The following ZFYVE9 variants were observed in gnomAD, a reference collection of about 807,000 sequenced individuals.
ZFYVE9 encodes zinc finger FYVE domain-containing protein 9.
ZFYVE9 carries 43 observed loss-of-function variants against 126.7 expected under a neutral mutation model. The observed-to-expected ratio is 0.34, with a 90% CI of 0.27 to 0.44. ZFYVE9 has a LOEUF of 0.44. ZFYVE9 is among the 20% of genes least tolerant of loss of function. The pLI, the probability that ZFYVE9 is intolerant of heterozygous loss-of-function variation, is 1.00. For synonymous variants in ZFYVE9, 521 were observed against 597.4 expected, an observed-to-expected ratio of 0.87 and a Z score of 1.87; for missense variants, 1,476 against 1,697.0, an observed-to-expected ratio of 0.87 and a Z score of 2.29.
intron 1 of ZFYVE9, among the ~76,000 whole-genome samples, chr1:52,208,057 A>T (rs1197183269): frequency 1.3e-5 from 2 of 152,242 alleles, no homozygotes; most frequent in East Asian, 3.8e-4. Flanking sequence ...ATGGTGGCCC[A>T]TGCCTGTAAT....
chr1:52,191,727 T>C (rs952270278), intron 1 of ZFYVE9, among the ~76,000 whole-genome samples: 1 of 152,192 alleles, frequency 6.6e-6, no homozygotes, highest in African/African-American at 2.4e-5. Flanking sequence ...CCTGCACTTT[T>C]TCCATTACAC....
At chr1:52,306,436 C>G (rs1646085819) in intron 13 of ZFYVE9, among the ~76,000 whole-genome samples, 1 of 152,220 alleles carries the variant, frequency 6.6e-6, no homozygotes, top group South Asian at 2.1e-4. Context: ...ACCCCAGGCC[C>G]TCCTCTATTA....
chr1:52,256,495 A>C (rs992083143), intron 4 of ZFYVE9, among the ~76,000 whole-genome samples: 2 of 151,998 alleles, frequency 1.3e-5, no homozygotes, highest in African/African-American at 4.8e-5. Context: ...TCCTTGCCTC[A>C]GCCTCTCAAG....
rs1258642952 is a variant in ZFYVE9 at position 52,344,617 on chromosome 1, A to G, written c.3940-151A>G. On this transcript the variant is annotated intron_variant, in intron 17 of 18. Coordinates refer to ENST00000287727, the MANE Select transcript of ZFYVE9 (RefSeq NM_004799.4). ...TTTTTAGGTGGAAGACAAATGCCCA[A>G]CTTTTCCTGGACCAGGGACTTTATG... 1.6e-5 allele frequency: 12 copies of G among 752,834 alleles called. 1 individual carries two copies. In the Admixed American group the frequency reaches 2.5e-4, roughly 15 times the overall value. 46.6% of individuals were successfully genotyped at this position (752,834 alleles called of 1,614,324 possible).
At chr1:52,187,854 G>A (rs1295430901) in intron 1 of ZFYVE9, among the ~76,000 whole-genome samples, 3 of 152,184 alleles carry the variant, frequency 2.0e-5, no homozygotes, top group Non-Finnish European at 4.4e-5. Flanking sequence ...ACTGTTGGTG[G>A]GAGTGTAAAT....
At chr1:52,229,890 C>T (rs1645201642) in intron 2 of ZFYVE9, among the ~76,000 whole-genome samples, 1 of 147,336 alleles carries the variant, frequency 6.8e-6, no homozygotes, top group South Asian at 2.1e-4. Context: ...TTTTTGGAGA[C>T]GGAGTCTCGC....
At chr1:52,337,724 G>A (rs1234286813) in intron 15 of ZFYVE9, 48 bp from the exon 16 acceptor site, 3 of 1,592,560 alleles carry the variant, frequency 1.9e-6, no homozygotes, top group African/African-American at 1.3e-5. Context: ...CTAGATGCCA[G>A]GTGCTGTGTT....
intron 1 of ZFYVE9, among the ~76,000 whole-genome samples, chr1:52,182,126 TG>T (rs1340808777): frequency 1.4e-5 from 2 of 143,524 alleles, no homozygotes; most frequent in Admixed American, 1.4e-4. Context: ...AGGAGAGAGG[TG>T]GGGGGTCAGC....
chr1:52,182,096 G>C (rs1187716486), intron 1 of ZFYVE9, among the ~76,000 whole-genome samples: 2 of 150,488 alleles, frequency 1.3e-5, no homozygotes, highest in African/African-American at 2.4e-5. Context: ...GAGGGAGGTG[G>C]GGGGGTCAGC....
chr1:52,284,013 G>A (rs781520219), intron 10 of ZFYVE9, among the ~76,000 whole-genome samples: 2 of 152,154 alleles, frequency 1.3e-5, no homozygotes, highest in Admixed American at 6.6e-5. Flanking sequence ...GTAGGATTTG[G>A]TAACTAACTG....
chr1:52,336,947 T>A (rs79159146), intron 15 of ZFYVE9, among the ~76,000 whole-genome samples: 6 of 107,854 alleles, frequency 5.6e-5, no homozygotes, highest in Non-Finnish European at 7.1e-5. Flanking sequence ...AGTCATCTCT[T>A]AAAAAAAAAA....
intron 1 of ZFYVE9, among the ~76,000 whole-genome samples, chr1:52,204,922 TTTG>T (rs1644959051): frequency 6.6e-6 from 1 of 152,130 alleles, no homozygotes; most frequent in Non-Finnish European, 1.5e-5. Context: ...CCTCTAGCAA[TTTG>T]TCAATTATAA....
At chr1:52,194,728 G>A (rs558032325) in intron 1 of ZFYVE9, among the ~76,000 whole-genome samples, 97 of 152,178 alleles carry the variant, frequency 6.4e-4, no homozygotes, top group Middle Eastern at 3.4e-3. Flanking sequence ...TTTGCTTTTA[G>A]ATATTTATTG....
chr1:52,325,078 G>A (rs1646278015), intron 13 of ZFYVE9, among the ~76,000 whole-genome samples: 1 of 152,206 alleles, frequency 6.6e-6, no homozygotes, highest in Non-Finnish European at 1.5e-5. Context: ...AGGAGATCAA[G>A]ACCATCCTGG....
intron 15 of ZFYVE9, among the ~76,000 whole-genome samples, chr1:52,336,947 T>TAAAAAAAAAAAAAAAAAAAAAAA (rs71041896): frequency 3.7e-5 from 4 of 107,852 alleles, no homozygotes; most frequent in African/African-American, 1.5e-4. Context: ...AGTCATCTCT[T>TAAAAAAAAAAAAAAAAAAAAAAA]AAAAAAAAAA....
In ZFYVE9 at chr1:52,238,212, G is replaced by A. The variant is rs767011736; in HGVS notation, c.795G>A (p.Thr265=). The change falls in exon 4 of 19, where the codon ACG becomes ACA. Residue 265 remains threonine, a synonymous_variant. Transcript: ENST00000287727. ...CCATGTCTGCGATTACAAGTTTAAC[G>A]GTTGATTCAGTAATCTCATCCCAGG... ...DPSMSAITSL[T]VDSVISSQGT... 29 of 1,613,886 alleles carry A rather than the reference G, an allele frequency of 1.8e-5. No homozygotes were observed. The highest frequency in any genetic ancestry group is 3.3e-4 in the Middle Eastern group (2 of 6,084).
At chr1:52,311,714 C>T (rs1484525403) in intron 13 of ZFYVE9, among the ~76,000 whole-genome samples, 2 of 152,126 alleles carry the variant, frequency 1.3e-5, no homozygotes, top group Non-Finnish European at 2.9e-5. Context: ...TATAATTGTA[C>T]ATAAATTGTA....
intron 7 of ZFYVE9, among the ~76,000 whole-genome samples, chr1:52,269,567 T>C (rs1206273728): frequency 6.6e-6 from 1 of 152,194 alleles, no homozygotes; most frequent in African/African-American, 2.4e-5. Flanking sequence ...TGAAATTGCA[T>C]GTTGTTAAGA....
In ZFYVE9 at chr1:52,181,044, G is replaced by GTCCCTC. The variant is rs372738053; in HGVS notation, c.-142-35300_-142-35295dup. ...AATTCTGTTAAATATTTTGGAACTC[G>GTCCCTC]TCCCTCTCCCTCTCCCTCTCCCTCT... On this transcript the variant is annotated intron_variant, in intron 1 of 18. Coordinates refer to ENST00000287727, the MANE Select transcript of ZFYVE9 (RefSeq NM_004799.4). 5.0e-3 allele frequency among the ~76,000 whole-genome samples: 734 copies of GTCCCTC among 148,272 alleles called. 11 individuals carry two copies. Among genetic ancestry groups the GTCCCTC allele is most frequent in the South Asian group, 0.043 (199 of 4,678 alleles).
Sources: allele counts gnomAD v4.1 joint callset (sites outside exome capture counted in the v4.1 genomes callset), GRCh38; gene constraint gnomAD v4.1.1; transcripts MANE v1.5; gene names NCBI Gene and HGNC (gene_info 2026-07-23, HGNC 2026-07-21).